TRIM71: variants seen among roughly 807,000 people sequenced by gnomAD.
TRIM71 encodes tripartite motif containing 71, also known as E3 ubiquitin-protein ligase TRIM71.
In TRIM71, 9 loss-of-function variants were observed where a neutral mutation model predicts 61.2. The ratio of observed to expected loss-of-function variants is 0.15; its 90% CI spans 0.09 to 0.26. TRIM71 has a LOEUF of 0.26. Ranked by LOEUF, TRIM71 falls within the 10% of genes least tolerant of loss-of-function variation. The pLI is 1.00. For missense variants in TRIM71, 998 were observed against 1,238.7 expected, an observed-to-expected ratio of 0.81 and a Z score of 2.92; for synonymous variants, 645 against 553.2, an observed-to-expected ratio of 1.17 and a Z score of -2.33.
chr3:32,890,806 C>G lies in TRIM71; in HGVS notation c.1602C>G (p.Asn534Lys), dbSNP rs774024489. 6.2e-7 allele frequency: 1 copy of G among 1,614,180 alleles called. No individual in the cohort carries two copies. Among genetic ancestry groups the G allele is most frequent in the South Asian group, 1.1e-5 (1 of 91,078 alleles). The part of the protein sequence containing the change: ...MSAVVLGPDG[N>K]LFGAEVSDQQ... ...CTGTGGTCCTGGGCCCTGATGGCAA[C>G]CTGTTTGGTGCAGAGGTGAGTGATC... The change falls in exon 4 of 4, where the codon AAC becomes AAG. Residue 534 changes from asparagine to lysine, a missense_variant. Asn to Lys is a moderately conservative substitution (Grantham distance 94, BLOSUM62 0). This residue lies in a region of TRIM71 where 291 missense variants were observed against 431.2 expected (regional missense o/e 0.67). Transcript: ENST00000383763. The surrounding 1 kb of genome is among the most constrained non-coding windows in gnomAD (Gnocchi z 6.2).
chr3:32,877,403 C>T (rs2125689955), intron 2 of TRIM71, among the ~76,000 whole-genome samples: 1 of 145,050 alleles, frequency 6.9e-6, no homozygotes. Context: ...CGCGCCTGGC[C>T]ATTTTTTTTT....
intron 3 of TRIM71, among the ~76,000 whole-genome samples, chr3:32,886,598 TC>T (rs1441991270): frequency 6.6e-6 from 1 of 152,212 alleles, no homozygotes; most frequent in African/African-American, 2.4e-5. Context: ...TTCCAACTGT[TC>T]CTTTTCTGAT....
At chr3:32,821,837 G>A (rs1051758132) in intron 1 of TRIM71, among the ~76,000 whole-genome samples, 2 of 151,656 alleles carry the variant, frequency 1.3e-5, no homozygotes, top group African/African-American at 4.8e-5. Context: ...CGCCCGGCCA[G>A]CCCGGAGCCT....
chr3:32,889,878 G>GT (rs1196550671), intron 3 of TRIM71, among the ~76,000 whole-genome samples: 1 of 148,508 alleles, frequency 6.7e-6, no homozygotes, highest in African/African-American at 2.5e-5. Context: ...GGCATGAGGC[G>GT]TGCGTGTATG....
intron 1 of TRIM71, among the ~76,000 whole-genome samples, chr3:32,870,421 C>G (rs1441546185): frequency 6.6e-6 from 1 of 152,118 alleles, no homozygotes. Context: ...AGCACTGGCT[C>G]TTCTGAAACC....
chr3:32,874,608 C>G (rs1415623418), intron 2 of TRIM71, among the ~76,000 whole-genome samples: 1 of 152,068 alleles, frequency 6.6e-6, no homozygotes, highest in East Asian at 1.9e-4. Flanking sequence ...CTGCAAGCTC[C>G]GCCTCCCAGG....
intron 2 of TRIM71, among the ~76,000 whole-genome samples, chr3:32,878,157 T>C (rs1696869949): frequency 6.6e-6 from 1 of 152,252 alleles, no homozygotes; most frequent in South Asian, 2.1e-4. Flanking sequence ...CCACGGGCTG[T>C]AGAATGGATG....
intron 1 of TRIM71, among the ~76,000 whole-genome samples, chr3:32,829,623 G>T (rs2125675600): frequency 1.1e-5 from 1 of 88,004 alleles, no homozygotes; most frequent in Middle Eastern, 6.6e-3. Flanking sequence ...TAATGTCATG[G>T]TATTGTGTGT....
At chr3:32,863,220 T>C (rs868324699) in intron 1 of TRIM71, among the ~76,000 whole-genome samples, 36 of 111,890 alleles carry the variant, frequency 3.2e-4, no homozygotes, top group African/African-American at 1.3e-3. Context: ...TTTTTTTTTT[T>C]TGGAGCTGGT....
chr3:32,843,975 C>T (rs762796227), intron 1 of TRIM71, among the ~76,000 whole-genome samples: 9 of 151,984 alleles, frequency 5.9e-5, no homozygotes, highest in Non-Finnish European at 1.0e-4. Context: ...GTTAGAGTCT[C>T]AAGATGTTTT....
intron 1 of TRIM71, among the ~76,000 whole-genome samples, chr3:32,850,428 A>G (rs1308327899): frequency 1.3e-5 from 2 of 152,178 alleles, no homozygotes; most frequent in East Asian, 3.8e-4. Context: ...TAGTATTTCA[A>G]AGGGATATTG....
intron 2 of TRIM71, among the ~76,000 whole-genome samples, chr3:32,875,621 C>T (rs1696845567): frequency 6.6e-6 from 1 of 152,126 alleles, no homozygotes; most frequent in Non-Finnish European, 1.5e-5. Context: ...TGGTGGATCA[C>T]TTGAGCTCAA....
chr3:32,859,515 G>GCCA (rs111823676), intron 1 of TRIM71, among the ~76,000 whole-genome samples: 1 of 152,242 alleles, frequency 6.6e-6, no homozygotes, highest in African/African-American at 2.4e-5. Flanking sequence ...GCCTTGGCCT[G>GCCA]CCAAAGTGTT....
intron 1 of TRIM71, among the ~76,000 whole-genome samples, chr3:32,866,025 C>T (rs1696732987): frequency 6.6e-6 from 1 of 151,938 alleles, no homozygotes; most frequent in Admixed American, 6.6e-5. Flanking sequence ...TGGGTTTTGC[C>T]ATGTTGGCCA....
At chr3:32,874,008 C>T in intron 2 of TRIM71, 23 bp downstream of exon 2, 1 of 1,583,196 alleles carries the variant, frequency 6.3e-7, no homozygotes, top group Non-Finnish European at 8.6e-7. Flanking sequence ...TGCCCTTCTG[C>T]AGTTCCCACG....
intron 1 of TRIM71, among the ~76,000 whole-genome samples, chr3:32,871,514 C>T (rs139811435): frequency 3.8e-3 from 582 of 152,308 alleles, no homozygotes; most frequent in Middle Eastern, 0.014. Flanking sequence ...GTGATCCCTT[C>T]ATTCCCATGA....
chr3:32,855,819 C>G (rs1041437726), intron 1 of TRIM71, among the ~76,000 whole-genome samples: 2 of 152,082 alleles, frequency 1.3e-5, no homozygotes, highest in African/African-American at 4.8e-5. Flanking sequence ...TGAGCTGCTT[C>G]TGTACTGTTT....
chr3:32,869,088 A>T (rs1239609104), intron 1 of TRIM71, among the ~76,000 whole-genome samples: 2 of 152,240 alleles, frequency 1.3e-5, no homozygotes, highest in Non-Finnish European at 2.9e-5. Flanking sequence ...TTTTAAAACG[A>T]ATCTTGTGTT....
At position 32,890,700 on chromosome 3, in the gene TRIM71, A is replaced by G. The variant is rs947567161; in HGVS notation, c.1496A>G (p.Gln499Arg). 38 of 1,613,886 alleles carry G rather than the reference A, an allele frequency of 2.4e-5. No homozygotes were observed. Among genetic ancestry groups the G allele is most frequent in the Non-Finnish European group, 3.0e-5 (35 of 1,180,014 alleles). Reference sequence around the variant, plus strand: ...GGCGATGGCCTCAAGCGTGCCCTCCAGGGTAAGGTGGCCTCCTTCACAGTC... The same window carrying G: ...GGCGATGGCCTCAAGCGTGCCCTCCGGGGTAAGGTGGCCTCCTTCACAGTC... ...ATGDGLKRAL[Q>R]GKVASFTVIG... The change falls in exon 4 of 4, where the codon CAG becomes CGG. Residue 499 changes from glutamine (Q) to arginine (R), a missense_variant. Physicochemically the swap from Gln to Arg is conservative, Grantham distance 43. This residue lies in a region of TRIM71 where 291 missense variants were observed against 431.2 expected (regional missense o/e 0.67). Transcript: ENST00000383763. The surrounding 1 kb of genome is among the most constrained non-coding windows in gnomAD (Gnocchi z 6.2).
Sources: allele counts gnomAD v4.1 joint callset (sites outside exome capture counted in the v4.1 genomes callset), GRCh38; gene constraint gnomAD v4.1.1; regional missense constraint gnomAD v4.1.1; non-coding constraint Gnocchi (gnomAD v3.1); transcripts MANE v1.5; gene names NCBI Gene and HGNC (gene_info 2026-07-23, HGNC 2026-07-21).